NUP188: variants seen among roughly 807,000 people sequenced by gnomAD.
NUP188 encodes the protein nucleoporin 188.
Under a neutral mutation model 223.0 loss-of-function variants are expected in NUP188, and 97 were observed. The observed-to-expected ratio is 0.43, with a 90% CI of 0.37 to 0.51. NUP188 has a LOEUF of 0.51. Among genes scored for constraint, NUP188 ranks in the 20% least tolerant of loss-of-function variants. The probability of loss-of-function intolerance (pLI) is 0.00; values close to 1 mark genes in which losing one functional copy is unlikely to be tolerated. For missense variants in NUP188, 1,947 were observed against 2,175.6 expected, an observed-to-expected ratio of 0.89 and a Z score of 2.09; for synonymous variants, 869 against 828.0, an observed-to-expected ratio of 1.05 and a Z score of -0.85.
intron 3 of NUP188, among the ~76,000 whole-genome samples, chr9:128,953,199 TGTGTA>T (rs1351278656): frequency 3.9e-5 from 6 of 152,218 alleles, no homozygotes; most frequent in Non-Finnish European, 8.8e-5. Context: ...AACTGACACT[TGTGTA>T]GTGTTAACTA....
chr9:128,950,852 T>C (rs1055211706), intron 2 of NUP188, among the ~76,000 whole-genome samples: 1 of 152,100 alleles, frequency 6.6e-6, no homozygotes, highest in Non-Finnish European at 1.5e-5. Flanking sequence ...TTATAAACAT[T>C]ACGCATTCCC....
At chr9:128,985,753 G>C (rs1842324023) in intron 20 of NUP188, among the ~76,000 whole-genome samples, 1 of 152,220 alleles carries the variant, frequency 6.6e-6, no homozygotes, top group African/African-American at 2.4e-5. Context: ...AATGATTGTA[G>C]GCTGGGTGCA....
intron 33 of NUP188, 108 bp from the exon 34 acceptor site, chr9:128,999,516 T>C: frequency 8.0e-7 from 1 of 1,253,026 alleles, no homozygotes; most frequent in Non-Finnish European, 1.1e-6. Context: ...ATGCTGTCCC[T>C]CCTAGCGCCC....
intron 2 of NUP188, among the ~76,000 whole-genome samples, chr9:128,949,623 C>T (rs1272220575): frequency 6.6e-6 from 1 of 151,126 alleles, no homozygotes; most frequent in Non-Finnish European, 1.5e-5. Flanking sequence ...TGAGCCACCA[C>T]ACCTGGCCTA....
At chr9:128,995,232 GT>G in intron 29 of NUP188, 86 bp from the exon 30 acceptor site, 2 of 1,135,832 alleles carry the variant, frequency 1.8e-6, no homozygotes, top group East Asian at 2.3e-5. Context: ...ATGCAAGGTC[GT>G]TTTCTCTGCC....
intron 13 of NUP188, 142 bp downstream of exon 13, chr9:128,979,469 C>T: frequency 1.8e-6 from 1 of 549,846 alleles, no homozygotes; most frequent in South Asian, 2.0e-5. Flanking sequence ...ATTACTGTCC[C>T]TCTTTTAATG....
At chr9:128,999,523 GCCCTAGTACATCTCCAGC>G in intron 33 of NUP188, 83 bp from the exon 34 acceptor site, 2 of 1,284,674 alleles carry the variant, frequency 1.6e-6, no homozygotes, top group Non-Finnish European at 1.1e-6. Context: ...CCCTCCTAGC[GCCCTAGTACATCTCCAGC>G]CCCTTCCTAG....
At position 128,999,270 on chromosome 9, in the gene NUP188, A is replaced by C; in HGVS notation, c.3614A>C (p.Lys1205Thr). Residue 1205 changes from lysine (K) to threonine (T), a missense_variant, in exon 33 of 44, where the codon AAG becomes ACG. Transcript: ENST00000372577. The part of the protein sequence containing the change: ...DQQLMEKTKA[K>T]VFSAFITVLQ... ...CAACTCATGGAGAAGACCAAGGCCA[A>C]GGTGTTCTCAGCATTCATCACAGTG... The C allele has an allele frequency of 6.2e-7, 1 of 1,614,160 alleles. No individual in the cohort carries two copies. Among genetic ancestry groups the C allele is most frequent in the African/African-American group, 1.3e-5 (1 of 75,040 alleles).
chr9:128,961,622 AT>A (rs1554828110), intron 8 of NUP188, among the ~76,000 whole-genome samples: 125 of 133,934 alleles, frequency 9.3e-4, no homozygotes, highest in East Asian at 1.7e-3. Flanking sequence ...AGATAGATAG[AT>A]TTTTTTTTTT....
At chr9:128,954,651 T>C (rs1216638614) in intron 3 of NUP188, among the ~76,000 whole-genome samples, 1 of 152,082 alleles carries the variant, frequency 6.6e-6, no homozygotes, top group African/African-American at 2.4e-5. Context: ...CCCAAAGTGC[T>C]GGGATTACAG....
At chr9:128,987,020 A>G (rs1175432175) in intron 22 of NUP188, 145 bp downstream of exon 22, 1 of 602,680 alleles carries the variant, frequency 1.7e-6, no homozygotes, top group African/African-American at 1.9e-5. Context: ...GTTGCTTTCC[A>G]TTGGCCTGTT....
At position 128,999,689 on chromosome 9, in the gene NUP188, A is replaced by T. The variant is rs563603368; in HGVS notation, c.3727A>T (p.Ile1243Phe). Residue 1243 changes from isoleucine to phenylalanine, a missense_variant, in exon 34 of 44, where the codon ATT becomes TTT. Ile to Phe is a conservative substitution (Grantham distance 21). Around this residue, in one of 3 missense-constraint regions of NUP188, gnomAD observed 905 missense variants for 990.6 expected, o/e 0.91. Transcript: ENST00000372577. ...CTGTGAGACCCTCCAAGAGGAAGTG[A>T]TTGCACTCTTCGACCAGACCCGCCA... ...NVCETLQEEV[I>F]ALFDQTRHSL... 2 of 1,614,012 alleles carry T rather than the reference A, an allele frequency of 1.2e-6. No individual in the cohort carries two copies. Among genetic ancestry groups the T allele is most frequent in the Non-Finnish European group, 1.7e-6 (2 of 1,180,024 alleles).
intron 34 of NUP188, among the ~76,000 whole-genome samples, chr9:129,000,721 C>T (rs1052132710): frequency 5.3e-5 from 8 of 151,900 alleles, no homozygotes; most frequent in Non-Finnish European, 1.0e-4. Context: ...AAACTGTAAA[C>T]GTGTACATGA....
chr9:128,960,059 CT>C (rs956759518), intron 8 of NUP188, among the ~76,000 whole-genome samples: 351 of 103,776 alleles, frequency 3.4e-3, no homozygotes, highest in Middle Eastern at 6.8e-3. Context: ...TTATTTTATT[CT>C]TTTTTTTTTT....
chr9:128,981,187 G>A (rs1031917573), intron 14 of NUP188, 77 bp from the exon 15 acceptor site: 26 of 1,540,658 alleles, frequency 1.7e-5, no homozygotes, highest in Admixed American at 1.9e-5. Context: ...TGAGAGTCTG[G>A]TTGAAAGAGC....
chr9:128,956,475 T>C (rs374208086), intron 4 of NUP188, 41 bp downstream of exon 4: 19 of 1,051,858 alleles, frequency 1.8e-5, no homozygotes, highest in Non-Finnish European at 2.7e-5. Context: ...TTACTTGCAG[T>C]GTGGATGTGC....
In NUP188 at chr9:128,993,299, A is replaced by T. The variant is rs548781140; in HGVS notation, c.2743A>T (p.Lys915Ter). 1 of 1,614,186 alleles carries T rather than the reference A, an allele frequency of 6.2e-7. No homozygotes were observed. Among genetic ancestry groups the T allele is most frequent in the African/African-American group, 1.3e-5 (1 of 75,058 alleles). ...LQSKIEDMRI[K>*]VMILEFLTVA... ...GAGCAAAATTGAGGACATGCGCATC[A>T]AAGTCATGATTCTAGAGTTCCTCAC... The change falls in exon 26 of 44, where the codon AAA becomes TAA. Residue 915 changes from lysine (K) to a stop codon, truncating the protein, a stop_gained. Coordinates refer to ENST00000372577, the MANE Select transcript of NUP188 (RefSeq NM_015354.3). LOFTEE classifies it high-confidence loss of function.
At position 128,970,865 on chromosome 9, in the gene NUP188, T is replaced by C; in HGVS notation, c.1020T>C (p.Ser340=). Residue 340 remains serine (S), a synonymous_variant, in exon 11 of 44, where the codon AGT becomes AGC. Transcript: ENST00000372577. The part of the protein sequence containing the change: ...RHTLNPEETS[S]VVRKIGGTAI... ...CTCTGAACCCAGAAGAGACAAGCAG[T>C]GTGGTCCGGAAGATAGGTGGCACAG... is the stretch of plus-strand genomic sequence containing the variant. The C allele has an allele frequency of 6.2e-7, 1 of 1,614,074 alleles. No homozygotes were observed. Among genetic ancestry groups the C allele is most frequent in the Non-Finnish European group, 8.5e-7 (1 of 1,180,014 alleles).
intron 8 of NUP188, among the ~76,000 whole-genome samples, chr9:128,960,942 G>A (rs1841939472): frequency 6.6e-6 from 1 of 151,980 alleles, no homozygotes; most frequent in African/African-American, 2.4e-5. Flanking sequence ...AAAATTAGGC[G>A]AGTGTGGTGG....
Sources: allele counts gnomAD v4.1 joint callset (sites outside exome capture counted in the v4.1 genomes callset), GRCh38; gene constraint gnomAD v4.1.1; regional missense constraint gnomAD v4.1.1; transcripts MANE v1.5; gene names NCBI Gene and HGNC (gene_info 2026-07-23, HGNC 2026-07-21).